The following FAT3 variants were observed in gnomAD, a reference collection of about 807,000 sequenced individuals.
The protein encoded by FAT3 is FAT atypical cadherin 3, also known as protocadherin Fat 3.
A neutral mutation model predicts 310.2 loss-of-function variants in FAT3; 95 were observed. That is an observed-to-expected ratio of 0.31 (90% CI 0.26 to 0.36). FAT3 has a LOEUF of 0.36. FAT3 is among the 10% of genes least tolerant of loss of function. The pLI is 1.00. For synonymous variants in FAT3, 2,314 were observed against 2,192.9 expected, an observed-to-expected ratio of 1.06 and a Z score of -1.54; for missense variants, 5,408 against 5,715.6, an observed-to-expected ratio of 0.95 and a Z score of 1.74.
chr11:92,434,654 T>C (rs1197717811), intron 2 of FAT3, among the ~76,000 whole-genome samples: 1 of 152,192 alleles, frequency 6.6e-6, no homozygotes, highest in African/African-American at 2.4e-5. Flanking sequence ...TGATTAGCTG[T>C]GAGGACAGCT....
At chr11:92,678,317 A>G (rs1340670852) in intron 3 of FAT3, among the ~76,000 whole-genome samples, 1 of 152,160 alleles carries the variant, frequency 6.6e-6, no homozygotes, top group Non-Finnish European at 1.5e-5. Context: ...AGGCAGTGCA[A>G]AGGGAGTAGC....
At chr11:92,758,545 C>A (rs573587394) in intron 4 of FAT3, among the ~76,000 whole-genome samples, 1 of 152,280 alleles carries the variant, frequency 6.6e-6, no homozygotes, top group East Asian at 1.9e-4. Context: ...AAGAGGCAGA[C>A]AGTACAGGCT....
intron 1 of FAT3, among the ~76,000 whole-genome samples, chr11:92,312,813 G>A (rs1313025173): frequency 6.6e-6 from 1 of 152,164 alleles, no homozygotes; most frequent in African/African-American, 2.4e-5. Context: ...TGTGACCTAA[G>A]TGCTTGTTTT....
chr11:92,512,502 C>CA (rs995985569), intron 2 of FAT3, among the ~76,000 whole-genome samples: 11 of 141,200 alleles, frequency 7.8e-5, no homozygotes, highest in African/African-American at 2.7e-4. Flanking sequence ...TTTTATATCT[C>CA]AAAAAAAAAT....
At chr11:92,676,942 A>G (rs902631356) in intron 3 of FAT3, among the ~76,000 whole-genome samples, 6 of 152,226 alleles carry the variant, frequency 3.9e-5, no homozygotes, top group African/African-American at 1.4e-4. Flanking sequence ...AAAGGCTGGG[A>G]TCTGGTCATA....
chr11:92,524,063 C>G (rs76629175), intron 2 of FAT3, among the ~76,000 whole-genome samples: 11,802 of 152,120 alleles, frequency 0.078, 1,508 homozygotes, highest in African/African-American at 0.27. Flanking sequence ...TGTGACATTT[C>G]ATTTTCGGGG....
At chr11:92,738,169 C>T (rs564518224) in intron 4 of FAT3, among the ~76,000 whole-genome samples, 26 of 152,270 alleles carry the variant, frequency 1.7e-4, no homozygotes, top group Non-Finnish European at 5.9e-5. Flanking sequence ...ACAAATACAT[C>T]ATCACTCCAG....
intron 3 of FAT3, among the ~76,000 whole-genome samples, chr11:92,606,136 A>G (rs1021303055): frequency 2.6e-5 from 4 of 152,170 alleles, no homozygotes; most frequent in East Asian, 1.9e-4. Flanking sequence ...ATATTATACT[A>G]TTTCTGTTAA....
chr11:92,235,652 C>G (rs1360346355), intron 1 of FAT3, among the ~76,000 whole-genome samples: 2 of 152,172 alleles, frequency 1.3e-5, no homozygotes, highest in Non-Finnish European at 2.9e-5. Context: ...AAAAATATCT[C>G]TTTGAGCTAT....
At chr11:92,569,696 G>A (rs563357690) in intron 3 of FAT3, among the ~76,000 whole-genome samples, 3 of 152,048 alleles carry the variant, frequency 2.0e-5, no homozygotes, top group African/African-American at 4.8e-5. Flanking sequence ...ATATCCCACC[G>A]TATTCATGAG....
At chr11:92,445,893 T>C (rs1486889590) in intron 2 of FAT3, among the ~76,000 whole-genome samples, 1 of 152,146 alleles carries the variant, frequency 6.6e-6, no homozygotes, top group Non-Finnish European at 1.5e-5. Flanking sequence ...TTTGTAGTTA[T>C]GACCTCAGGT....
intron 1 of FAT3, among the ~76,000 whole-genome samples, chr11:92,337,085 T>A (rs1001738214): frequency 3.3e-5 from 5 of 152,150 alleles, no homozygotes; most frequent in Non-Finnish European, 5.9e-5. Context: ...TCCCTGACTC[T>A]AGAAACACAA....
chr11:92,731,971 A>G (rs1203519007), intron 4 of FAT3, among the ~76,000 whole-genome samples: 2 of 152,198 alleles, frequency 1.3e-5, no homozygotes, highest in Admixed American at 6.5e-5. Context: ...TTTCATGTTC[A>G]GTTATAGATC....
At chr11:92,728,987 T>G (rs1945088654) in intron 4 of FAT3, among the ~76,000 whole-genome samples, 1 of 152,150 alleles carries the variant, frequency 6.6e-6, no homozygotes, top group Non-Finnish European at 1.5e-5. Flanking sequence ...GTTCTAGAGA[T>G]TAGGATTTGA....
chr11:92,676,162 T>C (rs1008961426), intron 3 of FAT3, among the ~76,000 whole-genome samples: 4 of 152,166 alleles, frequency 2.6e-5, no homozygotes, highest in Non-Finnish European at 5.9e-5. Context: ...TACTGTAATA[T>C]AATACATTTA....
At chr11:92,500,383 G>A (rs978117458) in intron 2 of FAT3, among the ~76,000 whole-genome samples, 7 of 151,924 alleles carry the variant, frequency 4.6e-5, no homozygotes, top group African/African-American at 1.7e-4. Context: ...TTGTGTTGGA[G>A]ATTAAAAATA....
chr11:92,640,917 G>A (rs1395256383), intron 3 of FAT3, among the ~76,000 whole-genome samples: 1 of 152,160 alleles, frequency 6.6e-6, no homozygotes, highest in African/African-American at 2.4e-5. Flanking sequence ...TAGAAAAACA[G>A]TGTTCTGGTC....
intron 3 of FAT3, among the ~76,000 whole-genome samples, chr11:92,683,853 G>A (rs1339180403): frequency 6.6e-6 from 1 of 152,172 alleles, no homozygotes; most frequent in Non-Finnish European, 1.5e-5. Context: ...GAACTAGCTA[G>A]TCCCAGATTT....
intron 7 of FAT3, among the ~76,000 whole-genome samples, chr11:92,786,160 G>A (rs1946887283): frequency 6.6e-6 from 1 of 152,022 alleles, no homozygotes; most frequent in Admixed American, 6.6e-5. Context: ...ATTGCAACTC[G>A]ATTAGCGATG....
Sources: allele counts gnomAD v4.1 joint callset (sites outside exome capture counted in the v4.1 genomes callset), GRCh38; gene constraint gnomAD v4.1.1; transcripts MANE v1.5; gene names NCBI Gene and HGNC (gene_info 2026-07-23, HGNC 2026-07-21).